Variants in SOX6 observed in about 807,000 individuals in gnomAD.
SOX6 encodes the protein SRY-box transcription factor 6, also known as transcription factor SOX-6.
In SOX6, 11 loss-of-function variants were observed where a neutral mutation model predicts 97.8. That is an observed-to-expected ratio of 0.11 (90% CI 0.07 to 0.19). The LOEUF is 0.19. SOX6 is among the 10% of genes least tolerant of loss of function. The pLI, the probability that SOX6 is intolerant of heterozygous loss-of-function variation, is 1.00. For synonymous variants in SOX6, 360 were observed against 371.4 expected, an observed-to-expected ratio of 0.97 and a Z score of 0.35; for missense variants, 810 against 1,039.5, an observed-to-expected ratio of 0.78 and a Z score of 3.04.
chr11:16,019,830 C>G (rs747824225), intron 12 of SOX6, among the ~76,000 whole-genome samples: 1 of 151,974 alleles, frequency 6.6e-6, no homozygotes, highest in Non-Finnish European at 1.5e-5. Flanking sequence ...GTATTCCTGA[C>G]GCAGAATTTT....
chr11:16,676,350 G>C (rs1386618286), intron 3 of SOX6, among the ~76,000 whole-genome samples: 3 of 152,092 alleles, frequency 2.0e-5, no homozygotes, highest in Non-Finnish European at 2.9e-5. Context: ...AGCTGTTTGA[G>C]AATATTTAAA....
At chr11:16,466,973 G>A (rs1350749456) in intron 1 of SOX6, among the ~76,000 whole-genome samples, 6 of 150,870 alleles carry the variant, frequency 4.0e-5, no homozygotes, top group Non-Finnish European at 8.9e-5. Context: ...TGAAAAAGTG[G>A]GCAAAGGACA....
intron 3 of SOX6, among the ~76,000 whole-genome samples, chr11:16,616,389 C>T (rs1184600865): frequency 6.6e-6 from 1 of 152,036 alleles, no homozygotes; most frequent in Non-Finnish European, 1.5e-5. Flanking sequence ...CTAAATTTGA[C>T]TAAATTCTCT....
At chr11:16,723,075 T>C (rs1391680281) in intron 2 of SOX6, among the ~76,000 whole-genome samples, 3 of 152,164 alleles carry the variant, frequency 2.0e-5, no homozygotes, top group Admixed American at 2.0e-4. Context: ...GAAATCAACC[T>C]AATTATCCAT....
chr11:16,097,133 C>T (rs2014828), intron 8 of SOX6, among the ~76,000 whole-genome samples: 78,762 of 151,644 alleles, frequency 0.52, 20,689 homozygotes, highest in Admixed American at 0.61. Context: ...AGGGTGAGGA[C>T]ACATATATTA....
intron 2 of SOX6, among the ~76,000 whole-genome samples, chr11:16,716,152 C>T (rs2134050713): frequency 6.6e-6 from 1 of 152,202 alleles, no homozygotes; most frequent in Non-Finnish European, 1.5e-5. Context: ...CCAAGAATTG[C>T]TTCAGCCTAG....
chr11:16,198,949 C>A lies in SOX6; in HGVS notation c.536-11994G>T, dbSNP rs541902291. Among the ~76,000 whole-genome samples, 45 of 152,264 alleles carry A rather than the reference C, an allele frequency of 3.0e-4. No homozygotes were observed. The South Asian group carries it at 7.9e-3, about 27-fold the overall frequency. The stretch of plus-strand genomic sequence containing the variant: ...GATAAGCCACAATGTATACTTCCTA[C>A]GTGTCAGCTCCTTAAGGGGAGGATC... On this transcript the variant is annotated intron_variant, in intron 4 of 15. Coordinates refer to ENST00000683767, the MANE Select transcript of SOX6 (RefSeq NM_001367873.1).
At chr11:16,148,141 T>C (rs765065965) in intron 6 of SOX6, among the ~76,000 whole-genome samples, 14 of 152,232 alleles carry the variant, frequency 9.2e-5, no homozygotes, top group Non-Finnish European at 2.1e-4. Flanking sequence ...AATTTAACTT[T>C]GTAGATTCTT....
At chr11:16,259,654 A>C (rs1190312933) in intron 3 of SOX6, among the ~76,000 whole-genome samples, 2 of 152,178 alleles carry the variant, frequency 1.3e-5, no homozygotes, top group African/African-American at 2.4e-5. Flanking sequence ...GGAAAAAGTC[A>C]AACACAAGAA....
intron 3 of SOX6, among the ~76,000 whole-genome samples, chr11:16,269,708 T>C (rs541819255): frequency 1.1e-4 from 16 of 151,206 alleles, no homozygotes; most frequent in Non-Finnish European, 2.2e-4. Flanking sequence ...CTACGGCAAA[T>C]GGTGTTTTTT....
chr11:16,010,852 C>A (rs1854699013), intron 13 of SOX6, among the ~76,000 whole-genome samples: 1 of 151,828 alleles, frequency 6.6e-6, no homozygotes, highest in South Asian at 2.1e-4. Flanking sequence ...TAAAAAAAAA[C>A]CCTAAATGGA....
At chr11:16,315,354 T>A (rs1855728486) in intron 3 of SOX6, 1 of 152,084 alleles carries the variant, frequency 6.6e-6, no homozygotes, top group African/African-American at 2.4e-5. Context: ...AAATTAAGAA[T>A]CCTTGAGTTT....
In SOX6 at chr11:16,132,413, GAAAGAAAGAAAGAAAGAAAGAAAGAAAGA is replaced by G. The variant is rs1564972439; in HGVS notation, c.778-20519_778-20491del. Among the ~76,000 whole-genome samples the G allele has an allele frequency of 7.7e-5, 7 of 90,586 alleles. 2 individuals carry two copies. The highest frequency in any genetic ancestry group is 3.6e-4 in the African/African-American group (7 of 19,198). The allele number at this position is 90,586 out of a possible 152,430, so 59.4% of individuals were successfully genotyped here. On this transcript the variant is annotated intron_variant, in intron 6 of 15. Coordinates refer to ENST00000683767, the MANE Select transcript of SOX6 (RefSeq NM_001367873.1). ...AAGAAAGAAAGAAAAAAGAAAGAAA[GAAAGAAAGAAAGAAAGAAAGAAAGAAAGA>G]AAAAAGAAAGAAAGAAAGAAAGAAA...
intron 4 of SOX6, among the ~76,000 whole-genome samples, chr11:16,216,306 T>G: frequency 6.6e-6 from 1 of 152,134 alleles, no homozygotes; most frequent in East Asian, 1.9e-4. Flanking sequence ...CCACATAACC[T>G]AACACAATGA....
intron 3 of SOX6, among the ~76,000 whole-genome samples, chr11:16,694,864 C>A (rs1409355855): frequency 6.6e-6 from 1 of 152,156 alleles, no homozygotes; most frequent in Admixed American, 6.5e-5. Flanking sequence ...CTGTACTGAA[C>A]AAGTACAGAC....
At chr11:16,318,406 A>T (rs776291622) in intron 3 of SOX6, 40 bp downstream of exon 3, 2 of 1,590,270 alleles carry the variant, frequency 1.3e-6, no homozygotes, top group Non-Finnish European at 1.7e-6. Context: ...GAATCTTTAG[A>T]AGAAAAAAAA....
chr11:16,582,506 A>C (rs985537923), intron 4 of SOX6, among the ~76,000 whole-genome samples: 1 of 152,120 alleles, frequency 6.6e-6, no homozygotes. Flanking sequence ...GAATTTAATT[A>C]ATCAAGCCTT....
At chr11:16,661,509 A>T (rs1215961151) in intron 3 of SOX6, among the ~76,000 whole-genome samples, 1 of 151,714 alleles carries the variant, frequency 6.6e-6, no homozygotes, top group Non-Finnish European at 1.5e-5. Context: ...TTTTTCTTTT[A>T]AAAAAAATCT....
chr11:16,069,885 G>C (rs545666320), intron 9 of SOX6, among the ~76,000 whole-genome samples: 1 of 152,264 alleles, frequency 6.6e-6, no homozygotes, highest in South Asian at 2.1e-4. Flanking sequence ...GGCTGGGCAC[G>C]GTGGCTCACG....
Sources: gnomAD v4.1 joint callset for allele counts (sites outside exome capture counted in the v4.1 genomes callset) on GRCh38, gnomAD v4.1.1 for gene constraint, MANE v1.5 for transcripts, NCBI Gene and HGNC (gene_info 2026-07-23, HGNC 2026-07-21) for gene names.